Variants in CTBP1 observed in about 807,000 individuals in gnomAD.
CTBP1 encodes C-terminal-binding protein 1.
In CTBP1, 11 loss-of-function variants were observed where a neutral mutation model predicts 42.1. That is an observed-to-expected ratio of 0.26 (90% CI 0.16 to 0.43). CTBP1 has a LOEUF of 0.43. Ranked by LOEUF, CTBP1 falls within the 20% of genes least tolerant of loss-of-function variation. CTBP1 has a pLI of 1.00. For synonymous variants in CTBP1, 324 were observed against 277.1 expected (o/e 1.17, Z -1.68); for missense variants, 399 against 624.3 (o/e 0.64, Z 3.85).
At position 1,212,351 on chromosome 4, in the gene CTBP1, G is replaced by A; in HGVS notation, c.1179C>T (p.Ala393=). The change falls in exon 10 of 10, where the codon GCC becomes GCT. Residue 393 remains alanine (A), a synonymous_variant. Coordinates refer to ENST00000382952, the MANE Select transcript of CTBP1 (RefSeq NM_001012614.2). ...GGGGCAGGCCGTGGGACAGGGACAT[G>A]GCGCTGGGGACGATACCTTCCACAG... The part of the protein sequence containing the change: ...PAAVEGIVPS[A]MSLSHGLPPV... 6.6e-7 allele frequency: 1 copy of A among 1,513,776 alleles called. No individual in the cohort carries two copies. The highest frequency in any genetic ancestry group is 2.4e-5 in the Admixed American group (1 of 41,886). The allele number at this position is 1,513,776 out of a possible 1,614,324, so 93.8% of individuals were successfully genotyped here. A position where few individuals can be genotyped will look rare whatever the true frequency, so the allele number is the denominator to read the frequency against.
At chr4:1,220,825 G>A (rs766588115) in intron 5 of CTBP1, among the ~76,000 whole-genome samples, 4 of 152,260 alleles carry the variant, frequency 2.6e-5, no homozygotes, top group Non-Finnish European at 4.4e-5. Flanking sequence ...CACCACGTGT[G>A]AGTGGCAGCC....
At chr4:1,225,096 T>A (rs1730184223) in intron 5 of CTBP1, among the ~76,000 whole-genome samples, 1 of 151,882 alleles carries the variant, frequency 6.6e-6, no homozygotes, top group Admixed American at 6.6e-5. Flanking sequence ...GATGTCTGTG[T>A]GAGGCTGTGT....
intron 5 of CTBP1, among the ~76,000 whole-genome samples, chr4:1,223,757 G>A (rs1303363095): frequency 6.6e-6 from 1 of 152,050 alleles, no homozygotes. Context: ...CCCTCACCTG[G>A]CCTCTCCCAG....
At chr4:1,225,132 C>G (rs1395990102) in intron 5 of CTBP1, among the ~76,000 whole-genome samples, 1 of 151,842 alleles carries the variant, frequency 6.6e-6, no homozygotes, top group Non-Finnish European at 1.5e-5. Context: ...TGTACGTTAT[C>G]TGTGTGTGCC....
At chr4:1,212,867 C>T (rs1284811748) in intron 9 of CTBP1, 46 bp downstream of exon 9, 17 of 1,527,394 alleles carry the variant, frequency 1.1e-5, no homozygotes, top group Non-Finnish European at 1.4e-5. Flanking sequence ...CCAGGGGAAG[C>T]CTGGGGCCCT....
Position 1,211,705 on chromosome 4 carries a change from T to C in CTBP1, c.*535A>G, listed in dbSNP as rs982116635. ...AACAAGGGGGGGTTCATGCCAAAAT[T>C]AGGAAAAACAGCCTTTGTTTTGTTT... On this transcript the variant is annotated 3_prime_UTR_variant, in exon 10 of 10. Coordinates refer to ENST00000382952, the MANE Select transcript of CTBP1 (RefSeq NM_001012614.2). The C allele has an allele frequency of 2.0e-5, 3 of 152,138 alleles. No homozygotes were observed. The highest frequency in any genetic ancestry group is 2.9e-5 in the Non-Finnish European group (2 of 68,014). The allele number at this position is 152,138 out of a possible 1,614,324, so 9.4% of individuals were successfully genotyped here. A position where few individuals can be genotyped will look rare whatever the true frequency, so the allele number is the denominator to read the frequency against.
rs908240753 is a variant in CTBP1, at chr4:1,226,580, T to A, written c.308-1014A>T. On this transcript the variant is annotated intron_variant, in intron 4 of 9. Transcript: ENST00000382952. ...GCCACACGAGATTGGAACAAAGACC[T>A]CCTGAGGGTGGGCCAGATCCCAGGG... 2.7e-5 allele frequency among the ~76,000 whole-genome samples: 4 copies of A among 147,704 alleles called. No individual in the cohort carries two copies. In the South Asian group the frequency reaches 6.8e-4, roughly 25 times the overall value.
rs369539188 is a variant in CTBP1 at position 1,214,523 on chromosome 4, G to A, written c.730-50C>T. On this transcript the variant is annotated intron_variant, in intron 6 of 9. Coordinates refer to ENST00000382952, the MANE Select transcript of CTBP1 (RefSeq NM_001012614.2). The stretch of plus-strand genomic sequence containing the variant: ...GCCCAGTCAGGGATCCGCACAGGGC[G>A]GGCAGCCAGGGAAGCAAGGTGGTCA... The A allele has an allele frequency of 2.1e-5, 32 of 1,512,478 alleles. No homozygotes were observed. The African/African-American group carries it at 2.3e-4, about 11-fold the overall frequency. 93.7% of individuals were successfully genotyped at this position (1,512,478 alleles called of 1,614,324 possible). A position where few individuals can be genotyped will look rare whatever the true frequency, so the allele number is the denominator to read the frequency against.
At position 1,221,497 on chromosome 4, in the gene CTBP1, C is replaced by T. The variant is rs76687727; in HGVS notation, c.514+3863G>A. On this transcript the variant is annotated intron_variant, in intron 5 of 9. Coordinates refer to ENST00000382952, the MANE Select transcript of CTBP1 (RefSeq NM_001012614.2). ...GTTTGTAATATTAGCCAAAAACTTA[C>T]AAAATGCATCACCAAGAGTCTGGAG... is the stretch of plus-strand genomic sequence containing the variant. 11 of 156,730 alleles carry T rather than the reference C, an allele frequency of 7.0e-5. 1 individual carries two copies. The highest frequency in any genetic ancestry group is 6.5e-3 in the Middle Eastern group (2 of 308). The allele number at this position is 156,730 out of a possible 1,614,324, so 9.7% of individuals were successfully genotyped here.
At chr4:1,215,753 G>A (rs1438490326) in intron 6 of CTBP1, 5 of 574,500 alleles carry the variant, frequency 8.7e-6, no homozygotes, top group South Asian at 8.1e-5. Flanking sequence ...GTGTTCAAAG[G>A]TATGAGGTTC....
At chr4:1,241,947 C>T (rs559952226) in intron 1 of CTBP1, 8 of 1,025,234 alleles carry the variant, frequency 7.8e-6, no homozygotes, top group African/African-American at 1.7e-5. Flanking sequence ...CACTGATTCC[C>T]GGGCCTCTGT....
At chr4:1,248,727 G>A in intron 1 of CTBP1, 189 bp downstream of exon 1, 5 of 981,222 alleles carry the variant, frequency 5.1e-6, no homozygotes, top group Non-Finnish European at 6.0e-6. Flanking sequence ...CCGCGCATGC[G>A]CAAGACCCTT....
intron 5 of CTBP1, among the ~76,000 whole-genome samples, chr4:1,220,011 G>A (rs1427289593): frequency 3.3e-5 from 5 of 152,184 alleles, no homozygotes; most frequent in South Asian, 2.1e-4. Flanking sequence ...GTTCGAGCCT[G>A]GCCAACATGG....
rs1731800603 is a variant in CTBP1 at position 1,238,415 on chromosome 4, G to A, written c.8-78C>T. 2.7e-6 allele frequency: 4 copies of A among 1,476,596 alleles called. No individual in the cohort carries two copies. In the South Asian group the frequency reaches 4.1e-5, roughly 15 times the overall value. The allele number at this position is 1,476,596 out of a possible 1,614,324, so 91.5% of individuals were successfully genotyped here. On this transcript the variant is annotated intron_variant, in intron 2 of 9. Coordinates refer to ENST00000382952, the MANE Select transcript of CTBP1 (RefSeq NM_001012614.2). This position sits in a 1 kb window ranked among gnomAD's most constrained non-coding sequence, Gnocchi z 5.9. The stretch of plus-strand genomic sequence containing the variant: ...CAACCCACTCCACGCCACCCACTGT[G>A]CACGGGCCAACGAGGGCCGACCGCC...
At chr4:1,247,264 C>T (rs1172805255) in intron 1 of CTBP1, among the ~76,000 whole-genome samples, 1 of 152,200 alleles carries the variant, frequency 6.6e-6, no homozygotes, top group Non-Finnish European at 1.5e-5. Context: ...GGCAGGCGGA[C>T]GAGGCACCCC....
At position 1,241,516 on chromosome 4, in the gene CTBP1, C is replaced by G. The variant is rs772476153; in HGVS notation, c.-185G>C. The G allele has an allele frequency of 1.3e-6, 2 of 1,594,560 alleles. No homozygotes were observed. Among genetic ancestry groups the G allele is most frequent in the Non-Finnish European group, 1.7e-6 (2 of 1,176,502 alleles). ...CTGAAGCCTGCGTCGGGGTCAAAGTCTTACTAAAAATCAAACACAAGAGAC... is the reference window on the plus strand; with the variant it reads ...CTGAAGCCTGCGTCGGGGTCAAAGTGTTACTAAAAATCAAACACAAGAGAC... On this transcript the variant is annotated 5_prime_UTR_variant, in exon 2 of 10. Coordinates refer to ENST00000382952, the MANE Select transcript of CTBP1 (RefSeq NM_001012614.2).
intron 5 of CTBP1, among the ~76,000 whole-genome samples, chr4:1,218,859 A>C (rs186980200): frequency 2.6e-5 from 4 of 152,370 alleles, no homozygotes; most frequent in Middle Eastern, 3.4e-3. Flanking sequence ...ATATAAAAGA[A>C]GGCCAGAAAG....
In CTBP1 at chr4:1,238,941, T is replaced by C. The variant is rs1731867009; in HGVS notation, c.8-604A>G. 6.6e-6 allele frequency among the ~76,000 whole-genome samples: 1 copy of C among 152,148 alleles called. No individual in the cohort carries two copies. The highest frequency in any genetic ancestry group is 1.5e-5 in the Non-Finnish European group (1 of 68,030). ...GGAACATGGTTGTCCCTTTCCTGCC[T>C]GGGCTACCGCGTGGCTGCCCGGAAT... is the stretch of plus-strand genomic sequence containing the variant. On this transcript the variant is annotated intron_variant, in intron 2 of 9. Transcript: ENST00000382952. The surrounding 1 kb of genome is among the most constrained non-coding windows in gnomAD (Gnocchi z 5.9).
intron 5 of CTBP1, among the ~76,000 whole-genome samples, chr4:1,220,996 G>A (rs550477993): frequency 2.6e-5 from 4 of 152,242 alleles, no homozygotes; most frequent in Non-Finnish European, 4.4e-5. Context: ...ACGTGTTCTC[G>A]TCACAGAGAG....
Sources: allele counts gnomAD v4.1 joint callset (sites outside exome capture counted in the v4.1 genomes callset), GRCh38; gene constraint gnomAD v4.1.1; non-coding constraint Gnocchi (gnomAD v3.1); transcripts MANE v1.5; gene names NCBI Gene and HGNC (gene_info 2026-07-23, HGNC 2026-07-21).